The following PDE3A variants were observed in gnomAD, a reference collection of about 807,000 sequenced individuals.
PDE3A encodes the protein cGMP-inhibited 3',5'-cyclic phosphodiesterase 3A.
Under a neutral mutation model 98.3 loss-of-function variants are expected in PDE3A, and 43 were observed. That is an observed-to-expected ratio of 0.44 (90% confidence interval 0.34 to 0.56). PDE3A has a LOEUF of 0.56. Ranked by LOEUF, PDE3A falls within the 20% of genes least tolerant of loss-of-function variation. The pLI is 0.01. For synonymous variants in PDE3A, 663 were observed against 567.9 expected (o/e 1.17, Z -2.38); for missense variants, 1,427 against 1,440.7 (o/e 0.99, Z 0.15).
chr12:20,682,408 A>G lies in PDE3A; in HGVS notation c.*2137A>G, dbSNP rs1287859644. The G allele has an allele frequency of 6.6e-6, 1 of 152,204 alleles. No individual in the cohort carries two copies. The highest frequency in any genetic ancestry group is 1.5e-5 in the Non-Finnish European group (1 of 68,020). 9.4% of individuals were successfully genotyped at this position (152,204 alleles called of 1,614,324 possible). A position where few individuals can be genotyped will look rare whatever the true frequency, so the allele number is the denominator to read the frequency against. On this transcript the variant is annotated 3_prime_UTR_variant, in exon 16 of 16. Coordinates refer to ENST00000359062, the MANE Select transcript of PDE3A (RefSeq NM_000921.5). ...ATGGATATTGTACTCCCCCCTTTCA[A>G]AGCATTATTTTACAATAATTCATGG...
chr12:20,662,949 A>C (rs1193354754), intron 15 of PDE3A, among the ~76,000 whole-genome samples: 1 of 152,196 alleles, frequency 6.6e-6, no homozygotes, highest in Non-Finnish European at 1.5e-5. Context: ...CCAGAGGCCT[A>C]GGCAGAAAAA....
chr12:20,371,074 G>A (rs1330155915), intron 1 of PDE3A, among the ~76,000 whole-genome samples: 3 of 152,152 alleles, frequency 2.0e-5, no homozygotes, highest in Admixed American at 6.5e-5. Context: ...AATTCGGGAG[G>A]CCATTTCTAA....
At chr12:20,380,131 T>C (rs1394532118) in intron 1 of PDE3A, among the ~76,000 whole-genome samples, 1 of 151,906 alleles carries the variant, frequency 6.6e-6, no homozygotes, top group Admixed American at 6.6e-5. Context: ...ACTCTAGTAG[T>C]CTGCATTCTT....
chr12:20,600,956 T>G (rs1333922257), intron 2 of PDE3A, among the ~76,000 whole-genome samples: 7 of 152,190 alleles, frequency 4.6e-5, no homozygotes, highest in Admixed American at 4.6e-4. Flanking sequence ...TTACTTATCT[T>G]TGAAGGTTTG....
rs1007959017 is a variant in PDE3A, at chr12:20,552,588, A to G, written c.961-4072A>G. 15 of 1,613,622 alleles carry G rather than the reference A, an allele frequency of 9.3e-6. No homozygotes were observed. Among genetic ancestry groups the G allele is most frequent in the Non-Finnish European group, 1.3e-5 (15 of 1,179,834 alleles). On this transcript the variant is annotated intron_variant, in intron 1 of 15. Coordinates refer to ENST00000359062, the MANE Select transcript of PDE3A (RefSeq NM_000921.5). This position sits in a 1 kb window ranked among gnomAD's most constrained non-coding sequence, Gnocchi z 5.1. The stretch of plus-strand genomic sequence containing the variant: ...GCAAGTGGAAGCGGAAGTCGGCAGG[A>G]GGTGGCCCGAGCAGGGCCGGGTCCC...
chr12:20,679,929 A>T, intron 15 of PDE3A, 101 bp from the exon 16 acceptor site: 2 of 438,086 alleles, frequency 4.6e-6, no homozygotes, highest in Non-Finnish European at 8.2e-6. Flanking sequence ...TAATAAGGTT[A>T]TGGATTAACT....
At chr12:20,639,218 A>G (rs939787080) in intron 9 of PDE3A, among the ~76,000 whole-genome samples, 1 of 152,128 alleles carries the variant, frequency 6.6e-6, no homozygotes, top group African/African-American at 2.4e-5. Context: ...AAATTGCTAC[A>G]AAATATTTTC....
chr12:20,446,113 G>A (rs769034777), intron 1 of PDE3A, among the ~76,000 whole-genome samples: 6 of 152,194 alleles, frequency 3.9e-5, no homozygotes, highest in Admixed American at 6.5e-5. Context: ...CTCCCCCAAC[G>A]TGCCTGAAAT....
intron 10 of PDE3A, among the ~76,000 whole-genome samples, chr12:20,644,571 T>C (rs1944726550): frequency 6.6e-6 from 1 of 152,122 alleles, no homozygotes; most frequent in Non-Finnish European, 1.5e-5. Flanking sequence ...AAAATTCTAG[T>C]ATGATCAATT....
At chr12:20,589,667 G>C (rs890549493) in intron 2 of PDE3A, among the ~76,000 whole-genome samples, 11 of 151,722 alleles carry the variant, frequency 7.3e-5, no homozygotes, top group African/African-American at 2.7e-4. Flanking sequence ...AGGAGATCGA[G>C]ACCATCCTGG....
In PDE3A at chr12:20,670,651, G is replaced by A. The variant is rs542818213; in HGVS notation, c.3185-9379G>A. Among the ~76,000 whole-genome samples the A allele has an allele frequency of 1.3e-3, 190 of 147,946 alleles. 4 individuals are homozygous for A. In the East Asian group the frequency reaches 0.034, roughly 26 times the overall value. ...AATAAAGATGTTCTTTGAAACCAAG[G>A]AGAACAAAGACACAACATACCAGAA... is the stretch of plus-strand genomic sequence containing the variant. On this transcript the variant is annotated intron_variant, in intron 15 of 15. Coordinates refer to ENST00000359062, the MANE Select transcript of PDE3A (RefSeq NM_000921.5).
chr12:20,664,764 T>C (rs995369957), intron 15 of PDE3A, among the ~76,000 whole-genome samples: 1 of 152,296 alleles, frequency 6.6e-6, no homozygotes, highest in South Asian at 2.1e-4. Flanking sequence ...CATGTGGAAC[T>C]CTTGAGTCCA....
chr12:20,552,107 C>T lies in PDE3A; in HGVS notation c.961-4553C>T, dbSNP rs1000553756. On this transcript the variant is annotated intron_variant, in intron 1 of 15. Transcript: ENST00000359062. This position sits in a 1 kb window ranked among gnomAD's most constrained non-coding sequence, Gnocchi z 5.1. ...GAGCTTTCCGGCAACAAGAGGACCGCGGAACAGTCTTGTGATCAGAAACTC... is the reference window on the plus strand; with the variant it reads ...GAGCTTTCCGGCAACAAGAGGACCGTGGAACAGTCTTGTGATCAGAAACTC... 61 of 1,613,016 alleles carry T rather than the reference C, an allele frequency of 3.8e-5. No homozygotes were observed. Among genetic ancestry groups the T allele is most frequent in the Non-Finnish European group, 4.4e-5 (52 of 1,179,914 alleles).
At chr12:20,468,984 C>T (rs1945390442) in intron 1 of PDE3A, among the ~76,000 whole-genome samples, 1 of 152,208 alleles carries the variant, frequency 6.6e-6, no homozygotes, top group African/African-American at 2.4e-5. Context: ...TCTGAGCCCT[C>T]ACAATTCCAC....
At chr12:20,378,953 T>C (rs1288660853) in intron 1 of PDE3A, among the ~76,000 whole-genome samples, 2 of 151,784 alleles carry the variant, frequency 1.3e-5, no homozygotes, top group Non-Finnish European at 3.0e-5. Context: ...CCATTCTGTC[T>C]CTCCCAGTAC....
chr12:20,380,415 T>G (rs1943643149), intron 1 of PDE3A, among the ~76,000 whole-genome samples: 1 of 151,902 alleles, frequency 6.6e-6, no homozygotes, highest in African/African-American at 2.4e-5. Context: ...GTGATAAATT[T>G]AGCTTTTCAG....
chr12:20,615,191 A>G (rs1457636874), intron 3 of PDE3A, among the ~76,000 whole-genome samples: 1 of 151,888 alleles, frequency 6.6e-6, no homozygotes. Context: ...GGCGTGAGCC[A>G]CTGCGCCTGG....
chr12:20,488,046 A>G (rs762851926), intron 1 of PDE3A, among the ~76,000 whole-genome samples: 11 of 152,236 alleles, frequency 7.2e-5, no homozygotes, highest in Non-Finnish European at 1.5e-4. Context: ...TACTATCTAT[A>G]GCGTTACCCA....
intron 1 of PDE3A, among the ~76,000 whole-genome samples, chr12:20,459,033 A>G (rs931754833): frequency 2.6e-5 from 4 of 152,310 alleles, no homozygotes; most frequent in African/African-American, 9.6e-5. Context: ...AAATAAGTCA[A>G]ATGTTAGCAG....
Sources: allele counts gnomAD v4.1 joint callset (sites outside exome capture counted in the v4.1 genomes callset), GRCh38; gene constraint gnomAD v4.1.1; non-coding constraint Gnocchi (gnomAD v3.1); transcripts MANE v1.5; gene names NCBI Gene and HGNC (gene_info 2026-07-23, HGNC 2026-07-21).